The following EDN3 variants were observed in gnomAD, a reference collection of about 807,000 sequenced individuals.
EDN3 encodes the protein endothelin-3.
EDN3 carries 9 observed loss-of-function variants against 21.4 expected under a neutral mutation model. That is an observed-to-expected ratio of 0.42 (90% CI 0.25 to 0.73). The LOEUF is 0.73. EDN3 is among the 30% of genes least tolerant of loss of function. The pLI, the probability that EDN3 is intolerant of heterozygous loss-of-function variation, is 0.26. For missense variants in EDN3, 327 were observed against 309.4 expected, an observed-to-expected ratio of 1.06 and a Z score of -0.43; for synonymous variants, 133 against 126.2, an observed-to-expected ratio of 1.05 and a Z score of -0.36.
chr20:59,316,734 A>G (rs1474359677), intron 2 of EDN3, among the ~76,000 whole-genome samples: 2 of 152,244 alleles, frequency 1.3e-5, no homozygotes, highest in Non-Finnish European at 2.9e-5. Context: ...TGTTTGGGAA[A>G]ACGTGACAAA....
chr20:59,301,827 G>A, intron 2 of EDN3, 105 bp downstream of exon 2: 1 of 1,325,906 alleles, frequency 7.5e-7, no homozygotes, highest in South Asian at 1.2e-5. Context: ...AGTTAGCCCA[G>A]AGCCTGCCCT....
At chr20:59,323,369 G>A (rs758486778) in intron 4 of EDN3, among the ~76,000 whole-genome samples, 4 of 152,042 alleles carry the variant, frequency 2.6e-5, no homozygotes, top group Non-Finnish European at 4.4e-5. Flanking sequence ...CAGCGAGGGC[G>A]GGATGTAATT....
chr20:59,303,665 AGT>A (rs1989201884), intron 2 of EDN3, among the ~76,000 whole-genome samples: 1 of 152,176 alleles, frequency 6.6e-6, no homozygotes, highest in Non-Finnish European at 1.5e-5. Context: ...CATGTCTGAG[AGT>A]CTCAACCAAC....
chr20:59,302,394 T>A (rs1477427958), intron 2 of EDN3, among the ~76,000 whole-genome samples: 1 of 152,116 alleles, frequency 6.6e-6, no homozygotes, highest in African/African-American at 2.4e-5. Flanking sequence ...GAAACTCTCT[T>A]ACCCTAGGGC....
chr20:59,317,590 T>C (rs1297182793), intron 2 of EDN3, among the ~76,000 whole-genome samples: 1 of 152,224 alleles, frequency 6.6e-6, no homozygotes, highest in African/African-American at 2.4e-5. Context: ...TACCTGTACC[T>C]ACTGGCCTTT....
chr20:59,321,246 C>G, intron 3 of EDN3, 53 bp downstream of exon 3: 1 of 1,592,376 alleles, frequency 6.3e-7, no homozygotes, highest in Admixed American at 1.7e-5. Flanking sequence ...CAACCCTCGG[C>G]AAGGCCAGGC....
At chr20:59,316,283 G>A (rs1990180082) in intron 2 of EDN3, among the ~76,000 whole-genome samples, 1 of 152,338 alleles carries the variant, frequency 6.6e-6, no homozygotes, top group Admixed American at 6.5e-5. Flanking sequence ...TGTGTGCAGG[G>A]CAGGGCCCCG....
chr20:59,308,388 C>T (rs1045115832), intron 2 of EDN3, among the ~76,000 whole-genome samples: 1 of 152,202 alleles, frequency 6.6e-6, no homozygotes, highest in African/African-American at 2.4e-5. Flanking sequence ...CTTGCAGATC[C>T]AGCTTCACAC....
chr20:59,321,337 T>C, intron 3 of EDN3, 144 bp downstream of exon 3: 2 of 1,007,380 alleles, frequency 2.0e-6, no homozygotes, highest in Non-Finnish European at 1.5e-6. Flanking sequence ...AGAAAGGAGG[T>C]GCTGAGCCCA....
chr20:59,307,492 G>A (rs1989506876), intron 2 of EDN3, among the ~76,000 whole-genome samples: 1 of 152,186 alleles, frequency 6.6e-6, no homozygotes, highest in South Asian at 2.1e-4. Flanking sequence ...TGCCCTGTAA[G>A]CCTCCTCCTG....
chr20:59,324,493 G>C lies in EDN3; in HGVS notation c.*34G>C. ...GCCTGCAGCATCCTGGTCTCGGGAG[G>C]CTTCTGTCATTGCTCACACACAGTT... On this transcript the variant is annotated 3_prime_UTR_variant, in exon 5 of 5. Coordinates refer to ENST00000337938, the MANE Select transcript of EDN3 (RefSeq NM_207034.3). 6.2e-7 allele frequency: 1 copy of C among 1,613,730 alleles called. No homozygotes were observed. The highest frequency in any genetic ancestry group is 8.5e-7 in the Non-Finnish European group (1 of 1,179,920).
intron 2 of EDN3, among the ~76,000 whole-genome samples, chr20:59,319,743 G>GA (rs1233422772): frequency 1.4e-3 from 192 of 137,706 alleles, no homozygotes; most frequent in African/African-American, 5.4e-3. Flanking sequence ...AAAAAAAAAA[G>GA]AAAAAAAAGA....
rs1350561495 is a variant in EDN3, at chr20:59,304,143, A to T, written c.365+2421A>T. ...CCCTCCCTCCTTCCCTTCCTTCCTG[A>T]AACTCTGTAGATGTGTAGATAGGTC... On this transcript the variant is annotated intron_variant, in intron 2 of 4. Transcript: ENST00000337938. Among the ~76,000 whole-genome samples the T allele has an allele frequency of 5.4e-5, 8 of 148,138 alleles. No homozygotes were observed. The Admixed American group carries it at 5.5e-4, about 10-fold the overall frequency.
chr20:59,315,955 G>C (rs980306183), intron 2 of EDN3, among the ~76,000 whole-genome samples: 5 of 152,164 alleles, frequency 3.3e-5, no homozygotes, highest in African/African-American at 1.2e-4. Context: ...GGGAGGGTGA[G>C]GGGGTGGATC....
At chr20:59,317,412 G>A (rs1990251137) in intron 2 of EDN3, among the ~76,000 whole-genome samples, 1 of 152,188 alleles carries the variant, frequency 6.6e-6, no homozygotes, top group African/African-American at 2.4e-5. Flanking sequence ...AACAATAGTA[G>A]CTACTGTTTG....
rs576673862 is a variant in EDN3, at chr20:59,324,606, C to T, written c.*147C>T. The T allele has an allele frequency of 1.7e-4, 190 of 1,100,670 alleles. 1 individual carries two copies. Among genetic ancestry groups the T allele is most frequent in the Admixed American group, 4.0e-4 (19 of 48,088 alleles). 68.2% of individuals were successfully genotyped at this position (1,100,670 alleles called of 1,614,324 possible). The stretch of plus-strand genomic sequence containing the variant: ...AGTCCCCACTTAACAATACCCCCCC[C>T]CCACGGCAAGAATGCCCAAATCCGA... On this transcript the variant is annotated 3_prime_UTR_variant, in exon 5 of 5. Coordinates refer to ENST00000337938, the MANE Select transcript of EDN3 (RefSeq NM_207034.3).
At position 59,313,690 on chromosome 20, in the gene EDN3, T is replaced by G. The variant is rs1600739579; in HGVS notation, c.366-7327T>G. Reference sequence around the variant, plus strand: ...GGGTGGTGGGATGAACGGTCTGCCTTGGGTCCTCCCAACTTTAAGCCGTGA... The same window carrying G: ...GGGTGGTGGGATGAACGGTCTGCCTGGGGTCCTCCCAACTTTAAGCCGTGA... On this transcript the variant is annotated intron_variant, in intron 2 of 4. Coordinates refer to ENST00000337938, the MANE Select transcript of EDN3 (RefSeq NM_207034.3). Among the ~76,000 whole-genome samples, 3 of 152,322 alleles carry G rather than the reference T, an allele frequency of 2.0e-5. No individual in the cohort carries two copies. The East Asian group carries it at 5.8e-4, about 29-fold the overall frequency.
At chr20:59,316,878 G>A (rs899811166) in intron 2 of EDN3, among the ~76,000 whole-genome samples, 17 of 152,216 alleles carry the variant, frequency 1.1e-4, no homozygotes, top group African/African-American at 3.9e-4. Context: ...TAAGTGTGCT[G>A]GAGGGCATTT....
intron 2 of EDN3, among the ~76,000 whole-genome samples, chr20:59,306,595 TAAA>T (rs57144708): frequency 1.1e-3 from 68 of 62,452 alleles, no homozygotes; most frequent in Non-Finnish European, 1.8e-3. Flanking sequence ...GCATAAAGAG[TAAA>T]AAAAAAAAAA....
Sources: allele counts gnomAD v4.1 joint callset (sites outside exome capture counted in the v4.1 genomes callset), GRCh38; gene constraint gnomAD v4.1.1; transcripts MANE v1.5; gene names NCBI Gene and HGNC (gene_info 2026-07-23, HGNC 2026-07-21).